The following DCC variants were observed in gnomAD, a reference collection of about 807,000 sequenced individuals.
DCC encodes DCC netrin 1 receptor.
Under a neutral mutation model 172.5 loss-of-function variants are expected in DCC, and 58 were observed. The ratio of observed to expected loss-of-function variants is 0.34; its 90% CI spans 0.27 to 0.42. The LOEUF is 0.42. DCC is among the 10% of genes least tolerant of loss of function. The pLI is 1.00. For synonymous variants in DCC, 709 were observed against 644.5 expected, an observed-to-expected ratio of 1.10 and a Z score of -1.52; for missense variants, 1,740 against 1,791.0, an observed-to-expected ratio of 0.97 and a Z score of 0.51.
intron 7 of DCC, among the ~76,000 whole-genome samples, chr18:53,151,475 T>C (rs995516303): frequency 1.3e-5 from 2 of 152,204 alleles, no homozygotes; most frequent in Admixed American, 6.5e-5. Context: ...AGATATTCCA[T>C]CAATATTCAT....
At chr18:52,378,375 A>T (rs531580783) in intron 1 of DCC, among the ~76,000 whole-genome samples, 1 of 152,126 alleles carries the variant, frequency 6.6e-6, no homozygotes, top group Non-Finnish European at 1.5e-5. Flanking sequence ...TCATAACTTA[A>T]GCATCCTTAC....
At chr18:52,970,975 G>T (rs1409246468) in intron 5 of DCC, among the ~76,000 whole-genome samples, 1 of 151,982 alleles carries the variant, frequency 6.6e-6, no homozygotes, top group Non-Finnish European at 1.5e-5. Context: ...TGAAACTCTG[G>T]GGAATAAGAG....
At chr18:53,272,096 G>A (rs1179182508) in intron 12 of DCC, among the ~76,000 whole-genome samples, 1 of 152,054 alleles carries the variant, frequency 6.6e-6, no homozygotes, top group African/African-American at 2.4e-5. Flanking sequence ...AAGAAACTTA[G>A]TATTTTGGCA....
intron 1 of DCC, among the ~76,000 whole-genome samples, chr18:52,550,412 T>C (rs1052178032): frequency 1.3e-5 from 2 of 152,108 alleles, no homozygotes; most frequent in African/African-American, 4.8e-5. Flanking sequence ...AATATATCCA[T>C]ATTAGTTCGA....
At chr18:53,257,201 T>A (rs888985028) in intron 12 of DCC, among the ~76,000 whole-genome samples, 24 of 152,320 alleles carry the variant, frequency 1.6e-4, no homozygotes, top group African/African-American at 5.8e-4. Context: ...GAATACCTTT[T>A]ATTTCCTTCT....
At chr18:52,754,719 GAGGTAGACTGGCT>G (rs1188821719) in intron 2 of DCC, among the ~76,000 whole-genome samples, 1 of 152,204 alleles carries the variant, frequency 6.6e-6, no homozygotes, top group Non-Finnish European at 1.5e-5. Flanking sequence ...ATTTTACCTA[GAGGTAGACTGGCT>G]AGCCATTCTG....
At chr18:52,681,007 T>A (rs2035741152) in intron 1 of DCC, among the ~76,000 whole-genome samples, 1 of 152,142 alleles carries the variant, frequency 6.6e-6, no homozygotes, top group Non-Finnish European at 1.5e-5. Context: ...TCTGAAACTG[T>A]TAGTAAATTA....
At chr18:52,372,153 A>T (rs1277616825) in intron 1 of DCC, among the ~76,000 whole-genome samples, 2 of 152,300 alleles carry the variant, frequency 1.3e-5, no homozygotes, top group African/African-American at 4.8e-5. Context: ...TTTGCCTCCA[A>T]CTACAAAGAG....
intron 5 of DCC, among the ~76,000 whole-genome samples, chr18:53,035,262 G>T (rs8085965): frequency 0.68 from 103,959 of 151,776 alleles, 37,517 homozygotes; most frequent in African/African-American, 0.9. Context: ...CATACCACCC[G>T]AAATGCACAT....
At chr18:52,550,133 T>C (rs2032728095) in intron 1 of DCC, among the ~76,000 whole-genome samples, 1 of 151,918 alleles carries the variant, frequency 6.6e-6, no homozygotes, top group Non-Finnish European at 1.5e-5. Context: ...TCTGTGTTCT[T>C]TCTCTCTAAA....
intron 1 of DCC, among the ~76,000 whole-genome samples, chr18:52,571,985 TG>T (rs1184224422): frequency 6.6e-6 from 1 of 152,152 alleles, no homozygotes; most frequent in African/African-American, 2.4e-5. Flanking sequence ...AACATATATA[TG>T]GACATAGAAC....
intron 1 of DCC, among the ~76,000 whole-genome samples, chr18:52,626,237 T>C (rs1201894029): frequency 6.6e-6 from 1 of 152,170 alleles, no homozygotes; most frequent in African/African-American, 2.4e-5. Flanking sequence ...AATTTTTTCT[T>C]CCTCCAGGTG....
chr18:52,768,867 A>G (rs1026207502), intron 2 of DCC, among the ~76,000 whole-genome samples: 1 of 152,202 alleles, frequency 6.6e-6, no homozygotes, highest in Non-Finnish European at 1.5e-5. Flanking sequence ...TAGAATTAGA[A>G]AAGGGTGAGG....
intron 1 of DCC, among the ~76,000 whole-genome samples, chr18:52,426,294 G>T (rs866618272): frequency 8.5e-6 from 1 of 118,334 alleles, no homozygotes; most frequent in African/African-American, 3.9e-5. Context: ...TGTAGTGCCA[G>T]AATTTTTTTT....
At chr18:52,938,740 T>C (rs2040418235) in intron 5 of DCC, among the ~76,000 whole-genome samples, 1 of 152,118 alleles carries the variant, frequency 6.6e-6, no homozygotes, top group Non-Finnish European at 1.5e-5. Flanking sequence ...TTGCAATATA[T>C]TAAACCTAGT....
At chr18:53,304,952 C>T (rs965003272) in intron 12 of DCC, among the ~76,000 whole-genome samples, 1 of 152,122 alleles carries the variant, frequency 6.6e-6, no homozygotes, top group African/African-American at 2.4e-5. Context: ...GTAATTGAAT[C>T]ATGGGGGCAG....
intron 1 of DCC, among the ~76,000 whole-genome samples, chr18:52,662,219 CG>C (rs1255354662): frequency 6.6e-6 from 1 of 152,082 alleles, no homozygotes; most frequent in Non-Finnish European, 1.5e-5. Context: ...AACAAGTTAC[CG>C]GATAGATCCG....
At chr18:53,150,202 G>A (rs2043977162) in intron 7 of DCC, among the ~76,000 whole-genome samples, 1 of 152,158 alleles carries the variant, frequency 6.6e-6, no homozygotes, top group Non-Finnish European at 1.5e-5. Flanking sequence ...ACCTTCCTCT[G>A]AGCTTGGTTT....
intron 2 of DCC, among the ~76,000 whole-genome samples, chr18:52,835,104 A>G (rs2038682102): frequency 6.6e-6 from 1 of 152,218 alleles, no homozygotes; most frequent in South Asian, 2.1e-4. Flanking sequence ...GATATACACG[A>G]TTGAATTTAG....
Sources: allele counts gnomAD v4.1 joint callset (sites outside exome capture counted in the v4.1 genomes callset), GRCh38; gene constraint gnomAD v4.1.1; transcripts MANE v1.5; gene names NCBI Gene and HGNC (gene_info 2026-07-23, HGNC 2026-07-21).